Variants in BCAS3 observed in about 807,000 individuals in gnomAD.
The protein encoded by BCAS3 is BCAS3 microtubule associated cell migration factor.
BCAS3 carries 53 observed loss-of-function variants against 116.1 expected under a neutral mutation model. That is an observed-to-expected ratio of 0.46 (90% CI 0.37 to 0.57). BCAS3 has a LOEUF of 0.57. Ranked by LOEUF, BCAS3 falls within the 20% of genes least tolerant of loss-of-function variation. The pLI is 0.00. For synonymous variants in BCAS3, 391 were observed against 408.2 expected (o/e 0.96, Z 0.51); for missense variants, 917 against 1,165.4 (o/e 0.79, Z 3.10).
Position 60,938,711 on chromosome 17 carries a change from AAGATAGATAGATAGAT to A in BCAS3, c.1088-8474_1088-8459del, listed in dbSNP as rs77328962. ...CAGACTGGGAGAAAATTTCTGATAGAAGATAGATAGATAGATAGATAGATAGATAGATAGATAGATA... is the reference window on the plus strand; with the variant it reads ...CAGACTGGGAGAAAATTTCTGATAGAAGATAGATAGATAGATAGATAGATA... On this transcript the variant is annotated intron_variant, in intron 13 of 23. Transcript: ENST00000407086. Among the ~76,000 whole-genome samples the A allele has an allele frequency of 3.1e-4, 45 of 146,684 alleles. 1 individual carries two copies. Among genetic ancestry groups the A allele is most frequent in the African/African-American group, 2.0e-4 (8 of 39,684 alleles).
At chr17:60,722,384 C>T (rs1446318168) in intron 5 of BCAS3, among the ~76,000 whole-genome samples, 1 of 152,182 alleles carries the variant, frequency 6.6e-6, no homozygotes, top group Admixed American at 6.5e-5. Context: ...GTCCTGCATC[C>T]TCAGCAGCAC....
intron 22 of BCAS3, among the ~76,000 whole-genome samples, chr17:61,329,408 T>TCGGCTCA (rs1181630845): frequency 6.6e-6 from 1 of 150,450 alleles, no homozygotes; most frequent in Non-Finnish European, 1.5e-5. Context: ...TGGCGCGATC[T>TCGGCTCA]CGGCTCACTG....
At chr17:60,841,040 A>C (rs2051851770) in intron 7 of BCAS3, among the ~76,000 whole-genome samples, 1 of 152,092 alleles carries the variant, frequency 6.6e-6, no homozygotes, top group Admixed American at 6.6e-5. Flanking sequence ...ATATTGTTAA[A>C]ATTTTAAAAA....
At chr17:61,159,332 A>G (rs946012663) in intron 22 of BCAS3, 1 of 117,864 alleles carries the variant, frequency 8.5e-6, no homozygotes, top group African/African-American at 2.5e-5. Context: ...TATCAGTAAA[A>G]GTAAAATGTT....
rs1462314463 is a variant in BCAS3, at chr17:61,105,534, C to T, written c.2425+20970C>T. ...CTGTCTCCTAGATTCAAGTGATTCTCCTGCCTCAGCCCCATGAGTAGCTGG... is the reference window on the plus strand; with the variant it reads ...CTGTCTCCTAGATTCAAGTGATTCTTCTGCCTCAGCCCCATGAGTAGCTGG... On this transcript the variant is annotated intron_variant, in intron 22 of 23. Coordinates refer to ENST00000407086, the MANE Select transcript of BCAS3 (RefSeq NM_017679.5). This position sits in a 1 kb window ranked among gnomAD's most constrained non-coding sequence, Gnocchi z 4.3. Among the ~76,000 whole-genome samples the T allele has an allele frequency of 1.3e-5, 2 of 152,296 alleles. No homozygotes were observed. Among genetic ancestry groups the T allele is most frequent in the South Asian group, 2.1e-4 (1 of 4,818 alleles).
chr17:60,930,760 T>C (rs1201495716), intron 13 of BCAS3, among the ~76,000 whole-genome samples: 1 of 152,004 alleles, frequency 6.6e-6, no homozygotes, highest in South Asian at 2.1e-4. Flanking sequence ...GTCCAGCCCT[T>C]TTAGTCTTTT....
Position 61,373,581 on chromosome 17 carries a change from A to G in BCAS3, c.2593+5087A>G, listed in dbSNP as rs530161724. Among the ~76,000 whole-genome samples, 4 of 149,194 alleles carry G rather than the reference A, an allele frequency of 2.7e-5. No individual in the cohort carries two copies. The South Asian group carries it at 8.5e-4, about 32-fold the overall frequency. ...TCCTCAGGCCCTTTCCTGAGTGGCC[A>G]GGACTATAGGCGTGTGCCAACATGC... On this transcript the variant is annotated intron_variant, in intron 23 of 23. Transcript: ENST00000407086.
rs2066691073 is a variant in BCAS3, at chr17:61,032,130, T to C, written c.1638-2536T>C. Among the ~76,000 whole-genome samples, 1 of 152,182 alleles carries C rather than the reference T, an allele frequency of 6.6e-6. No homozygotes were observed. The highest frequency in any genetic ancestry group is 6.6e-5 in the Admixed American group (1 of 15,266). ...ATGTTAGAAAGTTTGCCATCTGGCC[T>C]GGAAGCAACTATTTTTAAGTCTGTT... is the stretch of plus-strand genomic sequence containing the variant. On this transcript the variant is annotated intron_variant, in intron 16 of 23. Coordinates refer to ENST00000407086, the MANE Select transcript of BCAS3 (RefSeq NM_017679.5). This position sits in a 1 kb window ranked among gnomAD's most constrained non-coding sequence, Gnocchi z 4.6.
chr17:61,005,111 C>T (rs1266069962), intron 15 of BCAS3, among the ~76,000 whole-genome samples: 1 of 152,088 alleles, frequency 6.6e-6, no homozygotes, highest in African/African-American at 2.4e-5. Context: ...TATTTCTCAA[C>T]TGGGGATGGT....
intron 5 of BCAS3, among the ~76,000 whole-genome samples, chr17:60,744,360 T>A (rs764687260): frequency 6.6e-6 from 1 of 152,236 alleles, no homozygotes; most frequent in African/African-American, 2.4e-5. Context: ...TGGCACTTAT[T>A]TGAAGGCAAA....
intron 22 of BCAS3, among the ~76,000 whole-genome samples, chr17:61,149,406 A>C (rs1568456612): frequency 6.6e-6 from 1 of 152,206 alleles, no homozygotes; most frequent in Non-Finnish European, 1.5e-5. Flanking sequence ...TATAGCTAGT[A>C]GTTTTTTTTC....
At chr17:61,250,815 G>C (rs2048314035) in intron 22 of BCAS3, among the ~76,000 whole-genome samples, 1 of 152,216 alleles carries the variant, frequency 6.6e-6, no homozygotes, top group African/African-American at 2.4e-5. Context: ...CTGAAAACGA[G>C]TGATCAACCA....
At chr17:61,119,859 C>T (rs779339578) in intron 22 of BCAS3, among the ~76,000 whole-genome samples, 3 of 151,866 alleles carry the variant, frequency 2.0e-5, no homozygotes, top group South Asian at 4.2e-4. Flanking sequence ...GCTAATTAGA[C>T]GGTTGAATTC....
At chr17:60,812,573 G>T (rs747889855) in intron 7 of BCAS3, among the ~76,000 whole-genome samples, 12 of 152,132 alleles carry the variant, frequency 7.9e-5, no homozygotes, top group African/African-American at 2.9e-4. Flanking sequence ...TGCTCCAGGG[G>T]AGGAGATTTA....
chr17:61,129,800 T>C (rs900901641), intron 22 of BCAS3, among the ~76,000 whole-genome samples: 1 of 152,246 alleles, frequency 6.6e-6, no homozygotes, highest in African/African-American at 2.4e-5. Context: ...GAACTTACAA[T>C]CTGAGTATTC....
rs558028248 is a variant in BCAS3 at position 61,198,522 on chromosome 17, G to T, written c.2425+113958G>T. Among the ~76,000 whole-genome samples, 7 of 152,130 alleles carry T rather than the reference G, an allele frequency of 4.6e-5. No individual in the cohort carries two copies. In the East Asian group the frequency reaches 1.4e-3, roughly 29 times the overall value. On this transcript the variant is annotated intron_variant, in intron 22 of 23. Transcript: ENST00000407086. The surrounding 1 kb of genome is among the most constrained non-coding windows in gnomAD (Gnocchi z 5.0). ...CAACAATTTTATACTAAAACTTTTG[G>T]GGGGAAGGGCCATTACCTTAATTTA...
At chr17:60,762,431 T>A (rs1025100080) in intron 6 of BCAS3, among the ~76,000 whole-genome samples, 9 of 152,226 alleles carry the variant, frequency 5.9e-5, no homozygotes, top group Non-Finnish European at 1.2e-4. Context: ...TAGCCAGTTT[T>A]CCCAACACCA....
chr17:60,827,001 C>T (rs749019624), intron 7 of BCAS3, among the ~76,000 whole-genome samples: 60 of 152,184 alleles, frequency 3.9e-4, no homozygotes, highest in African/African-American at 8.4e-4. Context: ...GTAGGTTTAA[C>T]GTAAGGTTTA....
chr17:60,953,050 A>G (rs1162554729), intron 14 of BCAS3, among the ~76,000 whole-genome samples: 2 of 151,614 alleles, frequency 1.3e-5, no homozygotes, highest in Non-Finnish European at 2.9e-5. Context: ...TGTCTTTGCT[A>G]TTAGGAATTG....
Sources: allele counts gnomAD v4.1 joint callset (sites outside exome capture counted in the v4.1 genomes callset), GRCh38; gene constraint gnomAD v4.1.1; non-coding constraint Gnocchi (gnomAD v3.1); transcripts MANE v1.5; gene names NCBI Gene and HGNC (gene_info 2026-07-23, HGNC 2026-07-21).